Variants in B4GALT6 observed in about 807,000 individuals in gnomAD.
The protein encoded by B4GALT6 is beta-1,4-galactosyltransferase 6, also known as UDP-Gal:beta-GlcNAc beta-1,4-galactosyltransferase 6.
In B4GALT6, 14 loss-of-function variants were observed where a neutral mutation model predicts 46.3. The observed-to-expected ratio is 0.30, with a 90% CI of 0.20 to 0.47. The LOEUF is 0.47. Ranked by LOEUF, B4GALT6 falls within the 20% of genes least tolerant of loss-of-function variation. The pLI, the probability that B4GALT6 is intolerant of heterozygous loss-of-function variation, is 0.99. For missense variants in B4GALT6, 386 were observed against 480.1 expected (o/e 0.80, Z 1.83); for synonymous variants, 168 against 162.0 (o/e 1.04, Z -0.28).
At chr18:31,681,667 G>A (rs975006836) in intron 1 of B4GALT6, among the ~76,000 whole-genome samples, 3 of 152,192 alleles carry the variant, frequency 2.0e-5, no homozygotes, top group African/African-American at 7.2e-5. Context: ...GCTCAAGATG[G>A]CAAAGAAGAG....
the B4GALT6 span, among the ~76,000 whole-genome samples, chr18:31,691,292 CATATATATATATATAT>C: frequency 3.1e-3 from 368 of 117,406 alleles, 3 homozygotes; most frequent in African/African-American, 0.014. Context: ...CATAATTTTA[CATATATATATATATAT>C]ATATATATAT....
the B4GALT6 span, among the ~76,000 whole-genome samples, chr18:31,693,166 A>G: frequency 0.14 from 20,901 of 152,276 alleles, 1,566 homozygotes; most frequent in African/African-American, 0.18. Context: ...AAGTCAATGC[A>G]TATAAAAATG....
chr18:31,661,938 T>A (rs1231183413), intron 2 of B4GALT6, among the ~76,000 whole-genome samples: 2 of 152,208 alleles, frequency 1.3e-5, no homozygotes, highest in Non-Finnish European at 2.9e-5. Context: ...ATTTCATCAT[T>A]AATGCTTGGG....
At chr18:31,684,765 G>A, upstream of B4GALT6, 1 of 1,084,134 alleles carries the variant, frequency 9.2e-7, no homozygotes, top group Non-Finnish European at 1.1e-6. Context: ...AGCAGCGGCG[G>A]GAGGAGGGGC....
intron 1 of B4GALT6, among the ~76,000 whole-genome samples, chr18:31,667,508 G>C (rs936629900): frequency 6.6e-6 from 1 of 152,174 alleles, no homozygotes; most frequent in Admixed American, 6.5e-5. Flanking sequence ...AGGGATGAGA[G>C]AAATTTAATG....
chr18:31,643,612 A>AGGAACTCT (rs1318587419), intron 4 of B4GALT6, among the ~76,000 whole-genome samples: 1 of 152,214 alleles, frequency 6.6e-6, no homozygotes, highest in African/African-American at 2.4e-5. Flanking sequence ...GTTTGTTCCC[A>AGGAACTCT]GGAACTCTTT....
At chr18:31,646,358 C>A (rs2073991067) in intron 3 of B4GALT6, among the ~76,000 whole-genome samples, 1 of 152,198 alleles carries the variant, frequency 6.6e-6, no homozygotes, top group Non-Finnish European at 1.5e-5. Context: ...CTTCCGTTAA[C>A]CCCAAAAGAG....
intron 6 of B4GALT6, among the ~76,000 whole-genome samples, chr18:31,629,836 C>T (rs1404921692): frequency 7.2e-6 from 1 of 139,104 alleles, no homozygotes; most frequent in Non-Finnish European, 1.5e-5. Context: ...GGCGACAAAG[C>T]GAGACTCTGT....
chr18:31,645,055 A>G lies in B4GALT6; in HGVS notation c.471+300T>C, dbSNP rs186060059. On this transcript the variant is annotated intron_variant, in intron 4 of 8. Coordinates refer to ENST00000306851, the MANE Select transcript of B4GALT6 (RefSeq NM_004775.5). The stretch of plus-strand genomic sequence containing the variant: ...GGAACTCACAGCCTCTCTTCCAAAC[A>G]GAACAGAACAACAAAAAAATCTATT... Among the ~76,000 whole-genome samples the G allele has an allele frequency of 4.5e-4, 69 of 152,342 alleles. 1 individual carries two copies. The East Asian group carries it at 0.013, about 29-fold the overall frequency.
the B4GALT6 span, among the ~76,000 whole-genome samples, chr18:31,701,349 T>C: frequency 6.6e-6 from 1 of 152,330 alleles, no homozygotes; most frequent in East Asian, 1.9e-4. Flanking sequence ...CCTTCCATCA[T>C]GGTTGTAAAT....
the B4GALT6 span, among the ~76,000 whole-genome samples, chr18:31,714,494 A>G: frequency 6.6e-6 from 1 of 152,232 alleles, no homozygotes; most frequent in Non-Finnish European, 1.5e-5. Context: ...GCCTGGGAAG[A>G]AGGCAAAGTG....
chr18:31,685,793 GA>G (rs1174583065), upstream of B4GALT6: 1 of 152,290 alleles, frequency 6.6e-6, no homozygotes, highest in Non-Finnish European at 1.5e-5. Context: ...CAAAATCCTC[GA>G]GGAACAAGGT....
At chr18:31,709,876 T>C in the B4GALT6 span, among the ~76,000 whole-genome samples, 7 of 152,060 alleles carry the variant, frequency 4.6e-5, no homozygotes, top group South Asian at 1.2e-3. Flanking sequence ...GCCGATCATC[T>C]GAGGTCAGGA....
chr18:31,634,895 T>G (rs1425889127), intron 5 of B4GALT6, among the ~76,000 whole-genome samples: 1 of 152,178 alleles, frequency 6.6e-6, no homozygotes, highest in Non-Finnish European at 1.5e-5. Context: ...CTTGCAAAGA[T>G]TGTTTCATCA....
At chr18:31,698,951 C>T in the B4GALT6 span, among the ~76,000 whole-genome samples, 8,634 of 151,752 alleles carry the variant, frequency 0.057, 456 homozygotes, top group African/African-American at 0.14. Context: ...CCTGTGGTGT[C>T]AGCTACTTGG....
chr18:31,687,118 C>T (rs1441953620), upstream of B4GALT6, among the ~76,000 whole-genome samples: 1 of 152,158 alleles, frequency 6.6e-6, no homozygotes, highest in East Asian at 1.9e-4. Flanking sequence ...CAAGTGTCCC[C>T]CACGGTACTT....
the B4GALT6 span, among the ~76,000 whole-genome samples, chr18:31,707,795 C>T: frequency 1.3e-5 from 2 of 152,124 alleles, no homozygotes; most frequent in East Asian, 1.9e-4. Flanking sequence ...GTCCCTAATA[C>T]CACTGTAGAA....
intron 4 of B4GALT6, among the ~76,000 whole-genome samples, chr18:31,643,849 G>A (rs916250371): frequency 4.6e-5 from 7 of 152,174 alleles, no homozygotes; most frequent in African/African-American, 1.7e-4. Flanking sequence ...CCTGAGGGGT[G>A]TGCTACATTC....
the B4GALT6 span, among the ~76,000 whole-genome samples, chr18:31,715,520 G>T: frequency 4.2e-5 from 6 of 143,494 alleles, no homozygotes; most frequent in Admixed American, 4.3e-4. Context: ...GAGCCACAGC[G>T]CCTGGTCTGG....
Sources: gnomAD v4.1 joint callset for allele counts (sites outside exome capture counted in the v4.1 genomes callset) on GRCh38, gnomAD v4.1.1 for gene constraint, MANE v1.5 for transcripts, NCBI Gene and HGNC (gene_info 2026-07-23, HGNC 2026-07-21) for gene names.